The following BEND3 variants were observed in gnomAD, a reference collection of about 807,000 sequenced individuals.
The protein encoded by BEND3 is BEN domain containing 3.
In BEND3, 13 loss-of-function variants were observed where a neutral mutation model predicts 60.1. The ratio of observed to expected loss-of-function variants is 0.22; its 90% confidence interval spans 0.14 to 0.34. The LOEUF is 0.34. Among genes scored for constraint, BEND3 ranks in the 10% least tolerant of loss-of-function variants. BEND3 has a pLI of 1.00. For synonymous variants in BEND3, 497 were observed against 491.5 expected (o/e 1.01, Z -0.15); for missense variants, 896 against 1,138.1 (o/e 0.79, Z 3.06).
chr6:107,070,224 C>G lies in BEND3; in HGVS notation c.967G>C (p.Val323Leu). The G allele has an allele frequency of 6.2e-7, 1 of 1,612,976 alleles. No homozygotes were observed. Among genetic ancestry groups the G allele is most frequent in the Non-Finnish European group, 8.5e-7 (1 of 1,179,958 alleles). The change falls in exon 4 of 4, where the codon GTG (valine) becomes CTG (leucine). Residue 323 changes from valine (V) to leucine (L), a missense_variant. Coordinates refer to ENST00000369042, the MANE Select transcript of BEND3 (RefSeq NM_001367314.1). This position sits in a 1 kb window ranked among gnomAD's most constrained non-coding sequence, Gnocchi z 6.9. ...VYYPSVKDTA[V>L]WQAECLPQLN... Reference sequence around the variant, plus strand: ...TGGGGCAGGCACTCGGCCTGCCACACAGCCGTGTCCTTCACCGAGGGGTAG... The same window carrying G: ...TGGGGCAGGCACTCGGCCTGCCACAGAGCCGTGTCCTTCACCGAGGGGTAG...
intron 1 of BEND3, among the ~76,000 whole-genome samples, chr6:107,100,848 A>C (rs1197092097): frequency 2.0e-5 from 3 of 152,234 alleles, no homozygotes; most frequent in Non-Finnish European, 2.9e-5. Flanking sequence ...AGCTGACTAC[A>C]AACACAGAGT....
chr6:107,081,557 T>G (rs1190146862), intron 3 of BEND3, among the ~76,000 whole-genome samples: 1 of 152,122 alleles, frequency 6.6e-6, no homozygotes, highest in East Asian at 1.9e-4. Context: ...CCCCTTCAGA[T>G]CTAATGGGTC....
At chr6:107,089,655 C>T (rs1775434144) in intron 3 of BEND3, among the ~76,000 whole-genome samples, 3 of 149,702 alleles carry the variant, frequency 2.0e-5, no homozygotes, top group Admixed American at 2.0e-4. Context: ...AGCGCAAGGG[C>T]ATGATCTTGG....
intron 1 of BEND3, among the ~76,000 whole-genome samples, chr6:107,109,282 A>G (rs188390397): frequency 3.3e-5 from 5 of 151,580 alleles, no homozygotes; most frequent in Non-Finnish European, 7.4e-5. Context: ...CGTCTCTACT[A>G]AAAATACAAA....
At chr6:107,073,526 CAGAAGA>C (rs1775036894) in intron 3 of BEND3, among the ~76,000 whole-genome samples, 1 of 151,980 alleles carries the variant, frequency 6.6e-6, no homozygotes, top group Non-Finnish European at 1.5e-5. Flanking sequence ...GCCCAGGGTA[CAGAAGA>C]GGTCAATGAA....
At chr6:107,103,921 C>T (rs1775754466) in intron 1 of BEND3, among the ~76,000 whole-genome samples, 1 of 146,496 alleles carries the variant, frequency 6.8e-6, no homozygotes, top group African/African-American at 2.5e-5. Flanking sequence ...CAACGCCAGG[C>T]TAGGCAACAA....
intron 3 of BEND3, among the ~76,000 whole-genome samples, chr6:107,093,764 T>C (rs1582661215): frequency 6.6e-6 from 1 of 152,096 alleles, no homozygotes; most frequent in Non-Finnish European, 1.5e-5. Context: ...CAAACCTAAA[T>C]GTAAAATGAA....
intron 1 of BEND3, among the ~76,000 whole-genome samples, chr6:107,103,954 AAAAAAAAAG>A (rs1208946914): frequency 7.8e-6 from 1 of 128,158 alleles, no homozygotes; most frequent in Non-Finnish European, 1.6e-5. Context: ...GTCTCAAAAA[AAAAAAAAAG>A]AAAGAAAGAA....
chr6:107,087,302 G>A (rs1554234441), intron 3 of BEND3, among the ~76,000 whole-genome samples: 1 of 151,668 alleles, frequency 6.6e-6, no homozygotes, highest in African/African-American at 2.4e-5. Context: ...CTGGGTAAGA[G>A]AGCAAAACTC....
At chr6:107,073,203 A>ATG (rs1775023005) in intron 3 of BEND3, among the ~76,000 whole-genome samples, 1 of 5,024 alleles carries the variant, frequency 2.0e-4, no homozygotes, top group East Asian at 6.5e-3. Flanking sequence ...ATGTGTATGT[A>ATG]TATATATATA....
chr6:107,102,271 A>G (rs1175181848), intron 1 of BEND3, among the ~76,000 whole-genome samples: 1 of 152,192 alleles, frequency 6.6e-6, no homozygotes, highest in Non-Finnish European at 1.5e-5. Context: ...AGGCTGCCAC[A>G]TGGAGCCTGC....
Position 107,070,867 on chromosome 6 carries a change from C to G in BEND3, c.324G>C (p.Leu108=). The part of the protein sequence containing the change: ...NGEQAGRGRS[L]GNVWPGEEEP... ...CCTCCTCTCCAGGCCACACATTGCC[C>G]AGGCTCCTGCCCCTGCCGGCCTGCT... is the stretch of plus-strand genomic sequence containing the variant. The change falls in exon 4 of 4, where the codon CTG becomes CTC. Residue 108 remains leucine (L), a synonymous_variant. Transcript: ENST00000369042. This position sits in a 1 kb window ranked among gnomAD's most constrained non-coding sequence, Gnocchi z 6.9. The G allele has an allele frequency of 6.2e-7, 1 of 1,613,940 alleles. No homozygotes were observed. Among genetic ancestry groups the G allele is most frequent in the Middle Eastern group, 1.7e-4 (1 of 6,060 alleles).
At chr6:107,075,689 A>G (rs1775086083) in intron 3 of BEND3, among the ~76,000 whole-genome samples, 1 of 152,254 alleles carries the variant, frequency 6.6e-6, no homozygotes. Context: ...AGGTTCCATT[A>G]GCACATTTAA....
intron 3 of BEND3, among the ~76,000 whole-genome samples, chr6:107,072,803 C>T (rs893786804): frequency 4.1e-4 from 63 of 151,908 alleles, no homozygotes; most frequent in African/African-American, 1.4e-3. Context: ...GGGAACATGG[C>T]GAAACACTGT....
chr6:107,104,340 A>T (rs892126689), intron 1 of BEND3, among the ~76,000 whole-genome samples: 1 of 151,848 alleles, frequency 6.6e-6, no homozygotes, highest in African/African-American at 2.4e-5. Flanking sequence ...GATAGGCTGG[A>T]AAGAGTTACA....
At chr6:107,109,240 G>T (rs888150446) in intron 1 of BEND3, among the ~76,000 whole-genome samples, 3 of 151,020 alleles carry the variant, frequency 2.0e-5, no homozygotes, top group East Asian at 2.0e-4. Context: ...ACCTGAGGTT[G>T]AGAGACCAGC....
Position 107,099,270 on chromosome 6 carries a change from A to C in BEND3, c.16T>G (p.Phe6Val), listed in dbSNP as rs139589887. 2,583 of 1,611,628 alleles carry C rather than the reference A, an allele frequency of 1.6e-3. 2 individuals carry two copies. The highest frequency in any genetic ancestry group is 2.5e-3 in the Middle Eastern group (15 of 6,054). Residue 6 changes from phenylalanine (F) to valine (V), a missense_variant, in exon 2 of 4, where the codon TTC becomes GTC. Phe to Val is a conservative substitution (Grantham distance 50). Around this residue, in one of 4 missense-constraint regions of BEND3, gnomAD observed 846 missense variants for 1,036.7 expected, o/e 0.82. Coordinates refer to ENST00000369042, the MANE Select transcript of BEND3 (RefSeq NM_001367314.1). MNSTEFTEDVEEVLKS... is the reference protein window; with the variant it reads MNSTEVTEDVEEVLKS... The stretch of plus-strand genomic sequence containing the variant: ...TTACCTTCTTCTACATCTTCGGTGA[A>C]TTCAGTTGAGTTCATCTTCTATTCC...
chr6:107,102,626 C>T (rs1775724945), intron 1 of BEND3, among the ~76,000 whole-genome samples: 3 of 152,330 alleles, frequency 2.0e-5, no homozygotes, highest in South Asian at 4.1e-4. Context: ...CCAGAAGTAG[C>T]CCAGAACACA....
At chr6:107,090,854 T>A (rs183143314) in intron 3 of BEND3, among the ~76,000 whole-genome samples, 68 of 152,268 alleles carry the variant, frequency 4.5e-4, no homozygotes, top group Admixed American at 4.1e-3. Context: ...CTCATGCCTG[T>A]AATCCCAGCA....
Sources: gnomAD v4.1 joint callset for allele counts (sites outside exome capture counted in the v4.1 genomes callset) on GRCh38, gnomAD v4.1.1 for gene constraint, gnomAD v4.1.1 regional missense constraint, Gnocchi (gnomAD v3.1) non-coding constraint, MANE v1.5 for transcripts, NCBI Gene and HGNC (gene_info 2026-07-23, HGNC 2026-07-21) for gene names.